Variants in STON2 observed in about 807,000 individuals in gnomAD.
STON2 encodes the protein stonin 2, also known as stonin-2.
A neutral mutation model predicts 65.7 loss-of-function variants in STON2; 29 were observed. That is an observed-to-expected ratio of 0.44 (90% CI 0.33 to 0.60). The LOEUF is 0.60. Ranked by LOEUF, STON2 falls within the 20% of genes least tolerant of loss-of-function variation. STON2 has a pLI of 0.03. For missense variants in STON2, 1,054 were observed against 1,118.1 expected (o/e 0.94, Z 0.82); for synonymous variants, 404 against 414.2 (o/e 0.98, Z 0.30).
chr14:81,296,983 T>G (rs917932707), intron 5 of STON2, among the ~76,000 whole-genome samples: 3 of 152,168 alleles, frequency 2.0e-5, no homozygotes, highest in Admixed American at 1.3e-4. Flanking sequence ...AAAAAGATCT[T>G]TATGGTATGA....
At chr14:81,289,521 G>A (rs1441762379) in intron 5 of STON2, among the ~76,000 whole-genome samples, 2 of 152,164 alleles carry the variant, frequency 1.3e-5, no homozygotes, top group African/African-American at 4.8e-5. Context: ...CTATAACCCT[G>A]AGGCAGAGGG....
At chr14:81,303,521 A>G (rs1896052660) in intron 5 of STON2, among the ~76,000 whole-genome samples, 1 of 152,206 alleles carries the variant, frequency 6.6e-6, no homozygotes, top group Non-Finnish European at 1.5e-5. Context: ...ACACTGAAAC[A>G]GGTTCCATTC....
chr14:81,267,609 T>C lies in STON2; in HGVS notation c.*805A>G. On this transcript the variant is annotated 3_prime_UTR_variant, in exon 8 of 8. Transcript: ENST00000614646. The stretch of plus-strand genomic sequence containing the variant: ...AATTCACTGAGATTGAATCTACCTC[T>C]TGAACTGAACATCATCTTATATTTA... 1.0e-6 allele frequency: 1 copy of C among 985,400 alleles called. No homozygotes were observed. The highest frequency in any genetic ancestry group is 1.2e-6 in the Non-Finnish European group (1 of 829,910). The allele number at this position is 985,400 out of a possible 1,614,324, so 61.0% of individuals were successfully genotyped here. A position where few individuals can be genotyped will look rare whatever the true frequency, so the allele number is the denominator to read the frequency against.
chr14:81,283,750 C>T (rs540777660), intron 5 of STON2, among the ~76,000 whole-genome samples: 5 of 152,162 alleles, frequency 3.3e-5, no homozygotes, highest in Admixed American at 6.5e-5. Flanking sequence ...AGGATGGTCT[C>T]GATCTCCTGA....
intron 4 of STON2, among the ~76,000 whole-genome samples, chr14:81,343,342 C>A (rs541869085): frequency 2.0e-5 from 3 of 152,130 alleles, no homozygotes; most frequent in Non-Finnish European, 4.4e-5. Flanking sequence ...GTGTTGCTTG[C>A]GGCAACCAAT....
intron 4 of STON2, among the ~76,000 whole-genome samples, chr14:81,365,645 A>T (rs1595400180): frequency 6.6e-6 from 1 of 152,074 alleles, no homozygotes; most frequent in East Asian, 1.9e-4. Flanking sequence ...GGTCCCAGCT[A>T]CTCAGGAGGC....
intron 1 of STON2, among the ~76,000 whole-genome samples, chr14:81,433,671 A>G (rs1286827767): frequency 1.3e-5 from 2 of 152,198 alleles, no homozygotes; most frequent in African/African-American, 4.8e-5. Flanking sequence ...TAGATGCTAC[A>G]GTTTTGTTCT....
chr14:81,368,645 C>T (rs1216193136), intron 4 of STON2, among the ~76,000 whole-genome samples: 1 of 152,104 alleles, frequency 6.6e-6, no homozygotes, highest in Non-Finnish European at 1.5e-5. Flanking sequence ...GCCTGGGAGA[C>T]AGAGGTTGCA....
chr14:81,431,133 C>A (rs528088742), intron 1 of STON2, among the ~76,000 whole-genome samples: 11 of 152,210 alleles, frequency 7.2e-5, no homozygotes, highest in Admixed American at 5.2e-4. Flanking sequence ...TGGCTTCAGG[C>A]CTCCAGGACA....
chr14:81,328,529 C>T (rs1298954519), intron 4 of STON2, among the ~76,000 whole-genome samples: 1 of 152,142 alleles, frequency 6.6e-6, no homozygotes, highest in Non-Finnish European at 1.5e-5. Context: ...CTTGACTTGG[C>T]CTGAGGTGCT....
At chr14:81,346,474 C>T (rs765564703) in intron 4 of STON2, among the ~76,000 whole-genome samples, 2 of 152,126 alleles carry the variant, frequency 1.3e-5, no homozygotes, top group African/African-American at 4.8e-5. Flanking sequence ...ACAGGCACCA[C>T]AAGGAAGTCA....
Position 81,262,104 on chromosome 14 carries a change from G to C in STON2, c.*6310C>G. 1 of 985,400 alleles carries C rather than the reference G, an allele frequency of 1.0e-6. No homozygotes were observed. The highest frequency in any genetic ancestry group is 1.2e-6 in the Non-Finnish European group (1 of 829,914). 61.0% of individuals were successfully genotyped at this position (985,400 alleles called of 1,614,324 possible). On this transcript the variant is annotated 3_prime_UTR_variant, in exon 8 of 8. Coordinates refer to ENST00000614646, the MANE Select transcript of STON2 (RefSeq NM_001394390.1). ...TTTTGTAAAATAACCCACAACTTTA[G>C]AGCTGGAAAGGACTTGAAGAAACAA... is the stretch of plus-strand genomic sequence containing the variant.
intron 4 of STON2, among the ~76,000 whole-genome samples, chr14:81,327,680 C>A (rs1000528977): frequency 6.6e-6 from 1 of 152,166 alleles, no homozygotes; most frequent in African/African-American, 2.4e-5. Context: ...AAGGCTTATA[C>A]TTTCCAAAAT....
At chr14:81,308,806 A>ATGTGTGTGTGTGTG (rs1566901181) in intron 5 of STON2, among the ~76,000 whole-genome samples, 2 of 9,416 alleles carry the variant, frequency 2.1e-4, no homozygotes, top group African/African-American at 9.6e-4. Context: ...ATATATATAT[A>ATGTGTGTGTGTGTG]TATATATATA....
chr14:81,322,063 C>T lies in STON2; in HGVS notation c.742+1954G>A, dbSNP rs538826833. On this transcript the variant is annotated intron_variant, in intron 5 of 7. Transcript: ENST00000614646. ...GACCGTCCGTCTACATAAGTACCCC[C>T]TAATAAAAACCTGTCGTGTTTGCTG... Among the ~76,000 whole-genome samples, 3 of 152,328 alleles carry T rather than the reference C, an allele frequency of 2.0e-5. No homozygotes were observed. In the East Asian group the frequency reaches 5.8e-4, roughly 29 times the overall value.
intron 6 of STON2, among the ~76,000 whole-genome samples, chr14:81,275,504 C>T (rs1422320663): frequency 1.3e-5 from 2 of 152,112 alleles, no homozygotes; most frequent in African/African-American, 2.4e-5. Context: ...TCAGGGTTTT[C>T]TCTCTTCCTC....
At chr14:81,374,060 G>C (rs1438448253) in intron 3 of STON2, among the ~76,000 whole-genome samples, 2 of 130,894 alleles carry the variant, frequency 1.5e-5, no homozygotes, top group East Asian at 4.8e-4. Flanking sequence ...GCCCAGGCTG[G>C]AGTGTAGTGG....
intron 1 of STON2, among the ~76,000 whole-genome samples, chr14:81,434,318 T>C (rs1159600135): frequency 2.6e-5 from 4 of 152,140 alleles, no homozygotes; most frequent in Non-Finnish European, 5.9e-5. Context: ...TCAGAAGTCT[T>C]TGCCCCGCCC....
At chr14:81,375,235 A>T (rs59969857) in intron 3 of STON2, among the ~76,000 whole-genome samples, 1 of 151,748 alleles carries the variant, frequency 6.6e-6, no homozygotes, top group Non-Finnish European at 1.5e-5. Context: ...AAATAAAACT[A>T]TATCAGTACT....
Sources: gnomAD v4.1 joint callset for allele counts (sites outside exome capture counted in the v4.1 genomes callset) on GRCh38, gnomAD v4.1.1 for gene constraint, MANE v1.5 for transcripts, NCBI Gene and HGNC (gene_info 2026-07-23, HGNC 2026-07-21) for gene names.